Variants in MED6 observed in about 807,000 individuals in gnomAD.
MED6 encodes the protein mediator of RNA polymerase II transcription subunit 6.
MED6 carries 33 observed loss-of-function variants against 37.5 expected under a neutral mutation model. The observed-to-expected ratio is 0.88, with a 90% CI of 0.67 to 1.18. MED6 has a LOEUF of 1.18. MED6 is among the 50% of genes most tolerant of loss of function. MED6 has a pLI of 0.00. For synonymous variants in MED6, 94 were observed against 93.6 expected, an observed-to-expected ratio of 1.00 and a Z score of -0.02; for missense variants, 235 against 290.6, an observed-to-expected ratio of 0.81 and a Z score of 1.39.
At chr14:70,596,497 G>A in intron 3 of MED6, 114 bp downstream of exon 3, 3 of 698,846 alleles carry the variant, frequency 4.3e-6, no homozygotes, top group South Asian at 1.8e-5. Flanking sequence ...GAACATGTAT[G>A]TGGTCTTGGA....
At chr14:70,593,111 T>A (rs367623276) in intron 4 of MED6, 123 bp from the exon 5 acceptor site, 15 of 1,364,504 alleles carry the variant, frequency 1.1e-5, no homozygotes, top group African/African-American at 8.7e-5. Flanking sequence ...AATTACTATA[T>A]AATTGAGACT....
chr14:70,588,540 G>T (rs1002131316), intron 6 of MED6, among the ~76,000 whole-genome samples: 2 of 151,852 alleles, frequency 1.3e-5, no homozygotes, highest in Non-Finnish European at 2.9e-5. Flanking sequence ...CAAAAAATTA[G>T]CCGGGCGTGG....
intron 3 of MED6, 162 bp downstream of exon 3, chr14:70,596,449 C>A: frequency 1.8e-6 from 1 of 547,860 alleles, no homozygotes; most frequent in East Asian, 2.9e-5. Flanking sequence ...GTAAGTACAA[C>A]CATATGCTAA....
At chr14:70,585,553 G>A (rs1179209597) in intron 7 of MED6, among the ~76,000 whole-genome samples, 2 of 129,974 alleles carry the variant, frequency 1.5e-5, no homozygotes, top group Non-Finnish European at 3.0e-5. Context: ...AACATTATGA[G>A]ACTTTTTTTT....
intron 6 of MED6, among the ~76,000 whole-genome samples, chr14:70,586,643 G>A (rs774202548): frequency 1.3e-5 from 2 of 152,112 alleles, no homozygotes; most frequent in Non-Finnish European, 2.9e-5. Context: ...CCATCTGTGT[G>A]CTGAATCTTT....
chr14:70,584,074 T>C lies in MED6; in HGVS notation c.*739A>G. 1.6e-6 allele frequency: 1 copy of C among 629,880 alleles called. No individual in the cohort carries two copies. The highest frequency in any genetic ancestry group is 2.0e-5 in the South Asian group (1 of 49,344). 39.0% of individuals were successfully genotyped at this position (629,880 alleles called of 1,614,324 possible). A position where few individuals can be genotyped will look rare whatever the true frequency, so the allele number is the denominator to read the frequency against. On this transcript the variant is annotated 3_prime_UTR_variant, in exon 8 of 8. Coordinates refer to ENST00000256379, the MANE Select transcript of MED6 (RefSeq NM_005466.4). ...GGTATTGGTGAGTGAGGTTTTTCCT[T>C]TTCTTCATCTTCCAAAATGTCAGCA...
intron 1 of MED6, among the ~76,000 whole-genome samples, chr14:70,599,326 G>A (rs1200406447): frequency 2.0e-5 from 3 of 152,198 alleles, no homozygotes; most frequent in African/African-American, 4.8e-5. Context: ...AGACCATTTA[G>A]ATAGTTCATC....
At position 70,584,782 on chromosome 14, in the gene MED6, G is replaced by T. The variant is rs777636686; in HGVS notation, c.*31C>A. The T allele has an allele frequency of 1.2e-6, 2 of 1,604,498 alleles. No homozygotes were observed. Reference sequence around the variant, plus strand: ...ACTGAGGTATGATAACTAGCATGAGGAGTCTTCCAGGCTTCTCTTTTGTCC... The same window carrying T: ...ACTGAGGTATGATAACTAGCATGAGTAGTCTTCCAGGCTTCTCTTTTGTCC... On this transcript the variant is annotated 3_prime_UTR_variant, in exon 8 of 8. Coordinates refer to ENST00000256379, the MANE Select transcript of MED6 (RefSeq NM_005466.4).
chr14:70,597,272 A>G (rs192406617), intron 2 of MED6, among the ~76,000 whole-genome samples: 8 of 152,260 alleles, frequency 5.3e-5, no homozygotes, highest in African/African-American at 1.7e-4. Context: ...CAGGAAAATT[A>G]TATCAACAGT....
intron 6 of MED6, among the ~76,000 whole-genome samples, chr14:70,590,581 G>C (rs1260417276): frequency 6.6e-6 from 1 of 152,132 alleles, no homozygotes; most frequent in Non-Finnish European, 1.5e-5. Flanking sequence ...AACAAAAACA[G>C]GGTATATGAT....
At position 70,584,468 on chromosome 14, in the gene MED6, C is replaced by CT; in HGVS notation, c.*344_*345insA. ...TCAGCTCAGGGCAACCTCCACCTCC[C>CT]GGGTTCAAGCAAGTCTCCTGTCTCA... On this transcript the variant is annotated 3_prime_UTR_variant, in exon 8 of 8. Coordinates refer to ENST00000256379, the MANE Select transcript of MED6 (RefSeq NM_005466.4). 1 of 309,712 alleles carries CT rather than the reference C, an allele frequency of 3.2e-6. No individual in the cohort carries two copies. Among genetic ancestry groups the CT allele is most frequent in the Non-Finnish European group, 5.9e-6 (1 of 168,960 alleles). The allele number at this position is 309,712 out of a possible 1,614,324, so 19.2% of individuals were successfully genotyped here.
chr14:70,589,095 A>G (rs185794404), intron 6 of MED6, among the ~76,000 whole-genome samples: 3 of 152,128 alleles, frequency 2.0e-5, no homozygotes, highest in African/African-American at 7.2e-5. Flanking sequence ...TGAAAACCAA[A>G]CCCCTAACAA....
chr14:70,585,050 T>A, intron 7 of MED6, 107 bp from the exon 8 acceptor site: 1 of 1,278,744 alleles, frequency 7.8e-7, no homozygotes. Flanking sequence ...TAACTGCTTA[T>A]CTCAAGTTCT....
In MED6 at chr14:70,600,653, T is replaced by A. The variant is rs1297975407; in HGVS notation, c.-16A>T. 25 of 1,612,664 alleles carry A rather than the reference T, an allele frequency of 1.6e-5. No individual in the cohort carries two copies. The highest frequency in any genetic ancestry group is 2.0e-5 in the Non-Finnish European group (24 of 1,179,820). On this transcript the variant is annotated 5_prime_UTR_variant, in exon 1 of 8. Coordinates refer to ENST00000256379, the MANE Select transcript of MED6 (RefSeq NM_005466.4). ...CCGCCGCCATAATTCCGAGAGCGTT[T>A]ACAGGTTCTCTTTCCGGCGCAAAGT... is the stretch of plus-strand genomic sequence containing the variant.
intron 4 of MED6, 150 bp from the exon 5 acceptor site, chr14:70,593,138 G>C (rs1478798698): frequency 7.8e-7 from 1 of 1,283,274 alleles, no homozygotes; most frequent in Non-Finnish European, 1.1e-6. Context: ...TATACTTTGA[G>C]CACCGACTTG....
At chr14:70,585,722 T>C in intron 7 of MED6, 34 bp downstream of exon 7, 2 of 1,564,410 alleles carry the variant, frequency 1.3e-6, no homozygotes, top group Non-Finnish European at 8.7e-7. Flanking sequence ...TTGACCTTAT[T>C]TCAAGCGTAA....
intron 2 of MED6, 103 bp from the exon 3 acceptor site, chr14:70,596,805 G>T: frequency 1.3e-6 from 1 of 788,278 alleles, no homozygotes; most frequent in East Asian, 2.7e-5. Context: ...CTTTAAATAG[G>T]ATTAAAACTG....
Position 70,599,467 on chromosome 14 carries a change from A to T in MED6, c.22+1149T>A, listed in dbSNP as rs1292921494. 2.0e-5 allele frequency among the ~76,000 whole-genome samples: 3 copies of T among 151,682 alleles called. No individual in the cohort carries two copies. In the East Asian group the frequency reaches 5.8e-4, roughly 29 times the overall value. On this transcript the variant is annotated intron_variant, in intron 1 of 7. Transcript: ENST00000256379. ...TGTTCCCAGCAGCCAATGTAGTCCT[A>T]AAAAAAAGTCAGATCACATCATTCC...
intron 7 of MED6, among the ~76,000 whole-genome samples, chr14:70,585,372 C>A (rs1475187121): frequency 6.6e-6 from 1 of 150,564 alleles, no homozygotes; most frequent in African/African-American, 2.5e-5. Context: ...CTACCACAAT[C>A]ACTACCACAA....
Sources: allele counts gnomAD v4.1 joint callset (sites outside exome capture counted in the v4.1 genomes callset), GRCh38; gene constraint gnomAD v4.1.1; transcripts MANE v1.5; gene names NCBI Gene and HGNC (gene_info 2026-07-23, HGNC 2026-07-21).